Variants in PHLPP1 observed in about 807,000 individuals in gnomAD.
PHLPP1 encodes PH domain and leucine rich repeat protein phosphatase 1.
PHLPP1 carries 42 observed loss-of-function variants against 117.2 expected under a neutral mutation model. The ratio of observed to expected loss-of-function variants is 0.36; its 90% CI spans 0.28 to 0.46. PHLPP1 has a LOEUF of 0.46. PHLPP1 is among the 20% of genes least tolerant of loss of function. The pLI is 1.00. For synonymous variants in PHLPP1, 1,042 were observed against 970.7 expected, an observed-to-expected ratio of 1.07 and a Z score of -1.37; for missense variants, 2,084 against 2,241.9, an observed-to-expected ratio of 0.93 and a Z score of 1.42.
At chr18:62,917,440 CAT>C (rs1347972107) in intron 9 of PHLPP1, among the ~76,000 whole-genome samples, 6 of 81,072 alleles carry the variant, frequency 7.4e-5, no homozygotes, top group African/African-American at 1.4e-4. Flanking sequence ...GTGTGTTTAA[CAT>C]GTGGGACAAA....
At chr18:62,888,224 T>C (rs554941618) in intron 4 of PHLPP1, among the ~76,000 whole-genome samples, 9 of 152,154 alleles carry the variant, frequency 5.9e-5, no homozygotes, top group Middle Eastern at 6.9e-3. Flanking sequence ...TGTAGCCTCA[T>C]TGAATGCAAC....
intron 2 of PHLPP1, among the ~76,000 whole-genome samples, chr18:62,833,224 C>T (rs1195685543): frequency 6.6e-6 from 1 of 152,116 alleles, no homozygotes; most frequent in Non-Finnish European, 1.5e-5. Context: ...CAGGTGCACA[C>T]CACCATGCCC....
chr18:62,790,163 A>T (rs1443276155), intron 1 of PHLPP1, among the ~76,000 whole-genome samples: 1 of 152,182 alleles, frequency 6.6e-6, no homozygotes, highest in Non-Finnish European at 1.5e-5. Context: ...GGCACACCTC[A>T]CCTATTTAGT....
At chr18:62,932,342 T>C (rs578222918) in intron 10 of PHLPP1, among the ~76,000 whole-genome samples, 181 of 152,298 alleles carry the variant, frequency 1.2e-3, no homozygotes, top group African/African-American at 4.2e-3. Context: ...CCAATATCTC[T>C]GATGAACATA....
intron 1 of PHLPP1, among the ~76,000 whole-genome samples, chr18:62,728,787 A>G (rs965201557): frequency 1.3e-5 from 2 of 152,126 alleles, no homozygotes; most frequent in African/African-American, 4.8e-5. Context: ...GATTACAGGC[A>G]TGAGCCACTG....
intron 3 of PHLPP1, among the ~76,000 whole-genome samples, chr18:62,853,801 C>T (rs1190919341): frequency 6.6e-6 from 1 of 152,184 alleles, no homozygotes; most frequent in South Asian, 2.1e-4. Context: ...AACTGCTCAA[C>T]GACGAGAGCA....
At position 62,716,882 on chromosome 18, in the gene PHLPP1, C is replaced by G. The variant is rs1187277547; in HGVS notation, c.1199C>G (p.Pro400Arg). 4 of 1,525,590 alleles carry G rather than the reference C, an allele frequency of 2.6e-6. No homozygotes were observed. In the East Asian group the frequency reaches 1.0e-4, roughly 38 times the overall value. The allele number at this position is 1,525,590 out of a possible 1,614,324, so 94.5% of individuals were successfully genotyped here. A position where few individuals can be genotyped will look rare whatever the true frequency, so the allele number is the denominator to read the frequency against. Reference protein sequence around the residue: ...VPGQPRRPGHPAQPLPLPQTA... With the variant: ...VPGQPRRPGHRAQPLPLPQTA... Reference sequence around the variant, plus strand: ...GGCCAGCCCCGCCGTCCCGGCCACCCCGCGCAGCCCCTCCCGCTTCCCCAG... The same window carrying G: ...GGCCAGCCCCGCCGTCCCGGCCACCGCGCGCAGCCCCTCCCGCTTCCCCAG... The change falls in exon 1 of 17, where the codon CCC becomes CGC. Residue 400 changes from proline to arginine, a missense_variant. By Grantham distance (103) the Pro-to-Arg change is moderately radical. This residue lies in a region of PHLPP1 where 719 missense variants were observed against 636.0 expected (regional missense o/e 1.13). Coordinates refer to ENST00000262719, the MANE Select transcript of PHLPP1 (RefSeq NM_194449.4). This position sits in a 1 kb window ranked among gnomAD's most constrained non-coding sequence, Gnocchi z 5.7.
At chr18:62,913,599 C>A (rs954181222) in intron 8 of PHLPP1, among the ~76,000 whole-genome samples, 1 of 152,006 alleles carries the variant, frequency 6.6e-6, no homozygotes, top group Non-Finnish European at 1.5e-5. Context: ...TTCTTTGTGC[C>A]TGATCATTTT....
rs66530466 is a variant in PHLPP1 at position 62,940,354 on chromosome 18, C to CTTTTTTTTTTT, written c.2961-1346_2961-1336dup. 3.3e-3 allele frequency among the ~76,000 whole-genome samples: 155 copies of CTTTTTTTTTTT among 46,830 alleles called. 27 individuals are homozygous for CTTTTTTTTTTT. Among genetic ancestry groups the CTTTTTTTTTTT allele is most frequent in the African/African-American group, 4.4e-3 (46 of 10,400 alleles). The allele number at this position is 46,830 out of a possible 152,430, so 30.7% of individuals were successfully genotyped here. A position where few individuals can be genotyped will look rare whatever the true frequency, so the allele number is the denominator to read the frequency against. On this transcript the variant is annotated intron_variant, in intron 10 of 16. Transcript: ENST00000262719. Reference sequence around the variant, plus strand: ...ATCCACGTTTCTTTTTCTTTCTTTTCTTTTTTTTTTTTTTTTTTTTTTTTT... The same window carrying CTTTTTTTTTTT: ...ATCCACGTTTCTTTTTCTTTCTTTTCTTTTTTTTTTTTTTTTTTTTTTTTTTTTTTTTTTTT...
At chr18:62,766,713 T>A (rs1912547071) in intron 1 of PHLPP1, among the ~76,000 whole-genome samples, 1 of 152,204 alleles carries the variant, frequency 6.6e-6, no homozygotes, top group Non-Finnish European at 1.5e-5. Context: ...GTATATTATA[T>A]ATCAGATAAA....
At chr18:62,814,225 A>G (rs2144314467) in intron 1 of PHLPP1, among the ~76,000 whole-genome samples, 1 of 152,324 alleles carries the variant, frequency 6.6e-6, no homozygotes, top group South Asian at 2.1e-4. Flanking sequence ...AGTTGACTTC[A>G]TATATTTTGA....
intron 8 of PHLPP1, among the ~76,000 whole-genome samples, chr18:62,913,391 T>A (rs1304936297): frequency 6.6e-6 from 1 of 152,214 alleles, no homozygotes; most frequent in African/African-American, 2.4e-5. Flanking sequence ...TAATTCCTTC[T>A]ATTTCTGTAT....
chr18:62,716,680 CCTGTCT>C lies in PHLPP1; in HGVS notation c.1000_1005del (p.Val334_Ser335del). The C allele has an allele frequency of 4.8e-6, 7 of 1,465,410 alleles. No homozygotes were observed. The South Asian group carries it at 6.5e-5, about 14-fold the overall frequency. 90.8% of individuals were successfully genotyped at this position (1,465,410 alleles called of 1,614,324 possible). A position where few individuals can be genotyped will look rare whatever the true frequency, so the allele number is the denominator to read the frequency against. ...CCCCGGCGAGCCGTTCGTTGGGGGC[CCTGTCT>C]CTTCGCCCCGCGCCCCACGGCCTGT... On this transcript the variant is annotated inframe_deletion, in exon 1 of 17. Coordinates refer to ENST00000262719, the MANE Select transcript of PHLPP1 (RefSeq NM_194449.4). The surrounding 1 kb of genome is among the most constrained non-coding windows in gnomAD (Gnocchi z 5.7).
intron 3 of PHLPP1, among the ~76,000 whole-genome samples, chr18:62,853,914 T>A (rs1806132621): frequency 1.3e-5 from 2 of 152,210 alleles, no homozygotes; most frequent in African/African-American, 2.4e-5. Flanking sequence ...CCTGATTTTT[T>A]AAAATGAATA....
intron 16 of PHLPP1, among the ~76,000 whole-genome samples, chr18:62,977,658 T>A (rs186890960): frequency 7.2e-5 from 11 of 152,280 alleles, no homozygotes; most frequent in Non-Finnish European, 1.3e-4. Context: ...CAAACCAAGG[T>A]TTTCTCCACC....
rs188385930 is a variant in PHLPP1 at position 62,742,491 on chromosome 18, A to G, written c.1576+25232A>G. On this transcript the variant is annotated intron_variant, in intron 1 of 16. Transcript: ENST00000262719. ...CTCTGTCGCCCAGGCTGGGCGCCTG[A>G]GTGGCGCTATCTTGGCTCACTGCAA... 5.3e-5 allele frequency among the ~76,000 whole-genome samples: 8 copies of G among 151,908 alleles called. No homozygotes were observed. The East Asian group carries it at 1.4e-3, about 26-fold the overall frequency.
intron 1 of PHLPP1, among the ~76,000 whole-genome samples, chr18:62,791,814 C>A (rs1395479376): frequency 1.3e-5 from 2 of 148,398 alleles, no homozygotes; most frequent in Non-Finnish European, 2.9e-5. Flanking sequence ...ATTGCAGATA[C>A]TGACTGTCAT....
chr18:62,739,885 A>G (rs943226634), intron 1 of PHLPP1, among the ~76,000 whole-genome samples: 2 of 152,212 alleles, frequency 1.3e-5, no homozygotes, highest in African/African-American at 2.4e-5. Flanking sequence ...TCTCGAGCTC[A>G]TCAACCAAGT....
chr18:62,778,743 T>C (rs1913034998), intron 1 of PHLPP1, among the ~76,000 whole-genome samples: 1 of 152,232 alleles, frequency 6.6e-6, no homozygotes, highest in Non-Finnish European at 1.5e-5. Context: ...TAAGGTAGTA[T>C]ACAGGCTAAG....
Sources: allele counts gnomAD v4.1 joint callset (sites outside exome capture counted in the v4.1 genomes callset), GRCh38; gene constraint gnomAD v4.1.1; regional missense constraint gnomAD v4.1.1; non-coding constraint Gnocchi (gnomAD v3.1); transcripts MANE v1.5; gene names NCBI Gene and HGNC (gene_info 2026-07-23, HGNC 2026-07-21).